Variants in ADHFE1 observed in about 807,000 individuals in gnomAD.
The protein encoded by ADHFE1 is hydroxyacid-oxoacid transhydrogenase, mitochondrial.
A neutral mutation model predicts 54.8 loss-of-function variants in ADHFE1; 37 were observed. The observed-to-expected ratio is 0.68, with a 90% CI of 0.52 to 0.89. ADHFE1 has a LOEUF of 0.89. Ranked by LOEUF, ADHFE1 falls within the 40% of genes least tolerant of loss-of-function variation. The pLI is 0.00. For synonymous variants in ADHFE1, 203 were observed against 229.3 expected (o/e 0.89, Z 1.04); for missense variants, 601 against 591.2 (o/e 1.02, Z -0.17).
intron 13 of ADHFE1, among the ~76,000 whole-genome samples, chr8:66,462,135 A>G (rs1806933759): frequency 1.3e-5 from 2 of 152,172 alleles, no homozygotes; most frequent in Admixed American, 6.5e-5. Flanking sequence ...TCTCCTCCTA[A>G]GTCCTCTGTC....
chr8:66,441,682 C>A (rs1312692860), intron 2 of ADHFE1, among the ~76,000 whole-genome samples: 5 of 152,060 alleles, frequency 3.3e-5, no homozygotes, highest in African/African-American at 1.2e-4. Context: ...TAATCCTTTG[C>A]AAGGAAATAG....
chr8:66,437,666 G>T (rs2130344744), intron 1 of ADHFE1, among the ~76,000 whole-genome samples: 1 of 151,992 alleles, frequency 6.6e-6, no homozygotes, highest in Middle Eastern at 3.4e-3. Context: ...CAGTACAAAA[G>T]GCTTACTTTA....
At chr8:66,434,982 A>AC (rs1805388746) in intron 1 of ADHFE1, among the ~76,000 whole-genome samples, 1 of 151,890 alleles carries the variant, frequency 6.6e-6, no homozygotes, top group Non-Finnish European at 1.5e-5. Context: ...GTGTCTCAAA[A>AC]AAAAAAAAAA....
intron 2 of ADHFE1, 84 bp from the exon 3 acceptor site, chr8:66,442,714 A>T (rs1563487839): frequency 8.4e-7 from 1 of 1,194,258 alleles, no homozygotes; most frequent in Non-Finnish European, 1.2e-6. Context: ...GGAAATACTT[A>T]TGTTCACTGC....
At position 66,444,689 on chromosome 8, in the gene ADHFE1, G is replaced by A. The variant is rs918447411; in HGVS notation, c.294G>A (p.Val98=). 2.5e-6 allele frequency: 4 copies of A among 1,614,090 alleles called. No homozygotes were observed. Among genetic ancestry groups the A allele is most frequent in the Non-Finnish European group, 3.4e-6 (4 of 1,180,040 alleles). ...TGCAAGTAGCTATGGATTCCCTAGT[G>A]AAGAATGGCATCCCCTTTACGGTTT... ...PPVQVAMDSL[V]KNGIPFTVYD... Residue 98 remains valine, a synonymous_variant, in exon 5 of 14, where the codon GTG becomes GTA. Coordinates refer to ENST00000396623, the MANE Select transcript of ADHFE1 (RefSeq NM_144650.3).
rs778055399 is a variant in ADHFE1, at chr8:66,468,337, A to G, written c.1389A>G (p.Ser463=). 2 of 1,613,140 alleles carry G rather than the reference A, an allele frequency of 1.2e-6. No individual in the cohort carries two copies. Among genetic ancestry groups the G allele is most frequent in the Non-Finnish European group, 1.7e-6 (2 of 1,179,456 alleles). The change falls in exon 14 of 14, where the codon TCA becomes TCG. Residue 463 remains serine (S), a synonymous_variant. Coordinates refer to ENST00000396623, the MANE Select transcript of ADHFE1 (RefSeq NM_144650.3). ...EEDLAALFEA[S]MKLY ...ATCTGGCTGCTCTGTTTGAAGCTTCAATGAAACTGTATTAATTGTCATTTT... is the reference window on the plus strand; with the variant it reads ...ATCTGGCTGCTCTGTTTGAAGCTTCGATGAAACTGTATTAATTGTCATTTT...
chr8:66,456,737 T>C, intron 10 of ADHFE1, 80 bp from the exon 11 acceptor site: 1 of 1,056,344 alleles, frequency 9.5e-7, no homozygotes, highest in South Asian at 1.3e-5. Context: ...GTGACAGGCA[T>C]CCCCATAAGA....
At chr8:66,445,189 A>G (rs1375340167) in intron 5 of ADHFE1, 29 bp from the exon 6 acceptor site, 6 of 1,567,874 alleles carry the variant, frequency 3.8e-6, no homozygotes, top group Non-Finnish European at 5.2e-6. Context: ...AAAATATAAC[A>G]TACTGGTTTT....
At chr8:66,443,148 A>T (rs1408566192) in intron 3 of ADHFE1, among the ~76,000 whole-genome samples, 1 of 152,140 alleles carries the variant, frequency 6.6e-6, no homozygotes, top group Non-Finnish European at 1.5e-5. Flanking sequence ...TTTTAATTAT[A>T]ACAATCCCAA....
chr8:66,465,812 A>G (rs1258753026), intron 13 of ADHFE1, among the ~76,000 whole-genome samples: 2 of 151,736 alleles, frequency 1.3e-5, no homozygotes, highest in African/African-American at 4.8e-5. Flanking sequence ...GTTGGCCAGG[A>G]TGGTCTCAAT....
chr8:66,447,160 A>G (rs2130399165), intron 6 of ADHFE1, 104 bp from the exon 7 acceptor site: 1 of 882,054 alleles, frequency 1.1e-6, no homozygotes, highest in African/African-American at 1.7e-5. Context: ...AGGGTCAGCA[A>G]AGTTTCCTTC....
chr8:66,441,293 G>A (rs1772088919), intron 2 of ADHFE1, among the ~76,000 whole-genome samples: 1 of 152,166 alleles, frequency 6.6e-6, no homozygotes, highest in Non-Finnish European at 1.5e-5. Flanking sequence ...CTGGAGTACA[G>A]CGGTACAGTC....
chr8:66,447,757 A>G (rs1806104670), intron 7 of ADHFE1, among the ~76,000 whole-genome samples: 1 of 152,228 alleles, frequency 6.6e-6, no homozygotes, highest in Non-Finnish European at 1.5e-5. Context: ...AAACAATGTA[A>G]TAAACTTCTT....
rs768978180 is a variant in ADHFE1 at position 66,447,332 on chromosome 8, G to A, written c.619G>A (p.Val207Ile). 6 of 1,611,942 alleles carry A rather than the reference G, an allele frequency of 3.7e-6. No homozygotes were observed. In the East Asian group the frequency reaches 1.3e-4, roughly 36 times the overall value. ...CATTTTTGACTATGAACACTTGAAA[G>A]TAAAAATTGGTAAGAACCATACTTT... ...VAIFDYEHLK[V>I]KIGITSRAIK... Residue 207 changes from valine to isoleucine, a missense_variant, in exon 7 of 14, where the codon GTA (valine) becomes ATA (isoleucine). Coordinates refer to ENST00000396623, the MANE Select transcript of ADHFE1 (RefSeq NM_144650.3).
At position 66,442,000 on chromosome 8, in the gene ADHFE1, A is replaced by G. The variant is rs1450808496; in HGVS notation, c.98-798A>G. Among the ~76,000 whole-genome samples, 6 of 152,168 alleles carry G rather than the reference A, an allele frequency of 3.9e-5. No individual in the cohort carries two copies. The East Asian group carries it at 1.2e-3, about 29-fold the overall frequency. On this transcript the variant is annotated intron_variant, in intron 2 of 13. Transcript: ENST00000396623. ...AAAAAAAAAAGGTTTATTAAATTTC[A>G]CCAAGATAAATAAGCTTTTTATATG...
intron 1 of ADHFE1, among the ~76,000 whole-genome samples, chr8:66,438,748 G>T (rs759481444): frequency 6.6e-6 from 1 of 152,064 alleles, no homozygotes; most frequent in Non-Finnish European, 1.5e-5. Context: ...GATTGAGTGA[G>T]GGGGAGGACT....
rs886581589 is a variant in ADHFE1 at position 66,452,082 on chromosome 8, G to T, written c.864G>T (p.Arg288=). ...ISDIWAIHAL[R]IVAKYLKRAV... ...ACATTTGGGCTATCCACGCGCTGCG[G>T]ATCGTGGCTAAGTATCTGAAGAGGT... Residue 288 remains arginine (R), a synonymous_variant, in exon 9 of 14, where the codon CGG becomes CGT. Coordinates refer to ENST00000396623, the MANE Select transcript of ADHFE1 (RefSeq NM_144650.3). 3 of 1,614,042 alleles carry T rather than the reference G, an allele frequency of 1.9e-6. No individual in the cohort carries two copies. The highest frequency in any genetic ancestry group is 2.7e-5 in the African/African-American group (2 of 74,938).
Position 66,457,100 on chromosome 8 carries a change from C to G in ADHFE1, c.1096C>G (p.Pro366Ala). 6.2e-7 allele frequency: 1 copy of G among 1,613,906 alleles called. No homozygotes were observed. The highest frequency in any genetic ancestry group is 1.1e-5 in the South Asian group (1 of 91,058). The change falls in exon 12 of 14, where the codon CCA (proline) becomes GCA (alanine). Residue 366 changes from proline to alanine, a missense_variant. By Grantham distance (27) the Pro-to-Ala change is conservative. Transcript: ENST00000396623. ...TGGCCTTTCTGTGGTGCTCACGTCC[C>G]CAGCGGTGTTCACTTTCACGGCCCA... ...PHGLSVVLTS[P>A]AVFTFTAQMF...
In ADHFE1 at chr8:66,432,748, G is replaced by C. The variant is rs1586422325; in HGVS notation, c.59+173G>C. ...CCAGGCGGAACAGCGAGGTCACAGA[G>C]TGCGCGATGCAGCCTCTCAGGGCGC... is the stretch of plus-strand genomic sequence containing the variant. On this transcript the variant is annotated intron_variant, in intron 1 of 13. Coordinates refer to ENST00000396623, the MANE Select transcript of ADHFE1 (RefSeq NM_144650.3). 1.4e-5 allele frequency: 17 copies of C among 1,231,518 alleles called. No homozygotes were observed. In the East Asian group the frequency reaches 5.4e-4, roughly 39 times the overall value. The allele number at this position is 1,231,518 out of a possible 1,614,324, so 76.3% of individuals were successfully genotyped here. A position where few individuals can be genotyped will look rare whatever the true frequency, so the allele number is the denominator to read the frequency against.
Sources: gnomAD v4.1 joint callset for allele counts (sites outside exome capture counted in the v4.1 genomes callset) on GRCh38, gnomAD v4.1.1 for gene constraint, MANE v1.5 for transcripts, NCBI Gene and HGNC (gene_info 2026-07-23, HGNC 2026-07-21) for gene names.